Variants in MAPK4 observed in about 807,000 individuals in gnomAD.
MAPK4 encodes the protein mitogen-activated protein kinase 4.
MAPK4 carries 22 observed loss-of-function variants against 47.7 expected under a neutral mutation model. The ratio of observed to expected loss-of-function variants is 0.46; its 90% CI spans 0.33 to 0.66. MAPK4 has a LOEUF of 0.66. Among genes scored for constraint, MAPK4 ranks in the 30% least tolerant of loss-of-function variants. The probability of loss-of-function intolerance (pLI) is 0.02; values close to 1 mark genes in which losing one functional copy is unlikely to be tolerated. For missense variants in MAPK4, 736 were observed against 831.7 expected, an observed-to-expected ratio of 0.88 and a Z score of 1.42; for synonymous variants, 390 against 365.7, an observed-to-expected ratio of 1.07 and a Z score of -0.76.
intron 1 of MAPK4, among the ~76,000 whole-genome samples, chr18:50,610,822 C>T (rs909788881): frequency 2.0e-5 from 3 of 152,192 alleles, no homozygotes; most frequent in African/African-American, 7.2e-5. Context: ...ATCAAGTTCT[C>T]CTCTCCTTCT....
intron 3 of MAPK4, among the ~76,000 whole-genome samples, chr18:50,715,990 C>T (rs897270941): frequency 1.3e-5 from 2 of 152,198 alleles, no homozygotes. Context: ...ACAAAGACCT[C>T]CTTCTCTGCT....
chr18:50,582,687 G>A (rs1396857598), intron 1 of MAPK4, among the ~76,000 whole-genome samples: 1 of 152,252 alleles, frequency 6.6e-6, no homozygotes. Flanking sequence ...TGCTTGGCCT[G>A]GCAGACTGTG....
intron 1 of MAPK4, among the ~76,000 whole-genome samples, chr18:50,576,292 G>A (rs572432703): frequency 6.6e-6 from 1 of 152,308 alleles, no homozygotes; most frequent in Admixed American, 6.5e-5. Flanking sequence ...GTACACCATG[G>A]AACACTATGC....
chr18:50,730,012 C>A lies in MAPK4; in HGVS notation c.*158C>A. On this transcript the variant is annotated 3_prime_UTR_variant, in exon 6 of 6. Coordinates refer to ENST00000400384, the MANE Select transcript of MAPK4 (RefSeq NM_002747.4). ...GCGAGAGGAATGTCCATTTCTTAAACTGCCTTAATAACTAGCCTTTAACCT... is the reference window on the plus strand; with the variant it reads ...GCGAGAGGAATGTCCATTTCTTAAAATGCCTTAATAACTAGCCTTTAACCT... The A allele has an allele frequency of 1.3e-6, 1 of 753,198 alleles. No individual in the cohort carries two copies. Among genetic ancestry groups the A allele is most frequent in the Non-Finnish European group, 2.0e-6 (1 of 489,932 alleles). The allele number at this position is 753,198 out of a possible 1,614,324, so 46.7% of individuals were successfully genotyped here. A position where few individuals can be genotyped will look rare whatever the true frequency, so the allele number is the denominator to read the frequency against.
intron 3 of MAPK4, among the ~76,000 whole-genome samples, chr18:50,716,457 C>T (rs1454913707): frequency 6.6e-6 from 1 of 152,208 alleles, no homozygotes; most frequent in African/African-American, 2.4e-5. Flanking sequence ...GCCCTAAATG[C>T]TGCTGTCACT....
At chr18:50,687,515 A>C (rs1418449949) in intron 2 of MAPK4, among the ~76,000 whole-genome samples, 1 of 152,234 alleles carries the variant, frequency 6.6e-6, no homozygotes, top group Non-Finnish European at 1.5e-5. Context: ...TTTGTGGAAC[A>C]CTGTAAAGCT....
chr18:50,577,528 A>G (rs1280347051), intron 1 of MAPK4, among the ~76,000 whole-genome samples: 2 of 152,202 alleles, frequency 1.3e-5, no homozygotes, highest in East Asian at 3.8e-4. Context: ...AGGTGATTCA[A>G]ATATACAGCC....
At chr18:50,595,397 T>C (rs1304494361) in intron 1 of MAPK4, among the ~76,000 whole-genome samples, 1 of 152,076 alleles carries the variant, frequency 6.6e-6, no homozygotes, top group Non-Finnish European at 1.5e-5. Flanking sequence ...ATATGCAAAA[T>C]AATCTCCAAA....
chr18:50,594,213 A>C (rs1285149832), intron 1 of MAPK4, among the ~76,000 whole-genome samples: 3 of 152,168 alleles, frequency 2.0e-5, no homozygotes, highest in Non-Finnish European at 4.4e-5. Context: ...CTGGCAGCCA[A>C]TTGCATGGTG....
intron 2 of MAPK4, among the ~76,000 whole-genome samples, chr18:50,684,364 G>A (rs115113454): frequency 2.9e-3 from 447 of 152,090 alleles, no homozygotes; most frequent in African/African-American, 9.8e-3. Flanking sequence ...CAGAAACATC[G>A]CAAGACCCCT....
In MAPK4 at chr18:50,660,870, C is replaced by T. The variant is rs144881535; in HGVS notation, c.-870-2219C>T. On this transcript the variant is annotated intron_variant, in intron 1 of 5. Coordinates refer to ENST00000400384, the MANE Select transcript of MAPK4 (RefSeq NM_002747.4). ...GAATTGAGGCTTGCCACGTTGACAT[C>T]GTACCTGGCCCCTAAGCTGACAGCA... 6.7e-3 allele frequency among the ~76,000 whole-genome samples: 1,027 copies of T among 152,264 alleles called. 5 individuals are homozygous for T. The highest frequency in any genetic ancestry group is 0.011 in the South Asian group (52 of 4,812).
chr18:50,668,074 C>T (rs1426624342), intron 2 of MAPK4, among the ~76,000 whole-genome samples: 1 of 152,200 alleles, frequency 6.6e-6, no homozygotes, highest in Non-Finnish European at 1.5e-5. Flanking sequence ...CACCTATTTA[C>T]ATTTACTGTA....
intron 2 of MAPK4, among the ~76,000 whole-genome samples, chr18:50,701,838 A>C (rs1457736788): frequency 6.6e-6 from 1 of 152,270 alleles, no homozygotes; most frequent in Non-Finnish European, 1.5e-5. Flanking sequence ...CAGAAAACTT[A>C]TAAGGTAAAA....
At chr18:50,621,460 A>G (rs774846452) in intron 1 of MAPK4, among the ~76,000 whole-genome samples, 6 of 152,234 alleles carry the variant, frequency 3.9e-5, no homozygotes, top group Non-Finnish European at 7.3e-5. Context: ...CTAATGGCAG[A>G]GGCTGCTATT....
intron 1 of MAPK4, among the ~76,000 whole-genome samples, chr18:50,645,585 CCTGT>C (rs1396609437): frequency 2.6e-5 from 4 of 152,074 alleles, no homozygotes; most frequent in African/African-American, 7.2e-5. Context: ...TTATGGGATT[CCTGT>C]TCTGACCTCA....
chr18:50,584,907 C>T (rs767242389), intron 1 of MAPK4, among the ~76,000 whole-genome samples: 3 of 152,234 alleles, frequency 2.0e-5, no homozygotes, highest in East Asian at 1.9e-4. Flanking sequence ...GCGTTAACTC[C>T]GGACTCTCCT....
chr18:50,616,709 C>A (rs1336604184), intron 1 of MAPK4, among the ~76,000 whole-genome samples: 4 of 152,168 alleles, frequency 2.6e-5, no homozygotes, highest in African/African-American at 9.7e-5. Context: ...AGCTGAAGAA[C>A]CTGGAGTCTG....
At chr18:50,633,678 AG>A (rs2042853267) in intron 1 of MAPK4, among the ~76,000 whole-genome samples, 1 of 152,290 alleles carries the variant, frequency 6.6e-6, no homozygotes, top group South Asian at 2.1e-4. Context: ...GCACTGCCTA[AG>A]GGATAAAACC....
Position 50,664,274 on chromosome 18 carries a change from G to T in MAPK4, c.316G>T (p.Glu106Ter), listed in dbSNP as rs1907468540. 1.2e-6 allele frequency: 2 copies of T among 1,613,414 alleles called. No individual in the cohort carries two copies. The highest frequency in any genetic ancestry group is 1.7e-6 in the Non-Finnish European group (2 of 1,179,736). ...FKFSVAYIVQEYMETDLARLL... is the reference protein window; with the variant it reads ...FKFSVAYIVQ ...GTTCAGCGTGGCGTACATCGTCCAG[G>T]AGTACATGGAGACCGACCTGGCACG... The change falls in exon 2 of 6, where the codon GAG (glutamate) becomes TAG (stop). Residue 106 changes from glutamate to a stop codon, truncating the protein, a stop_gained. Coordinates refer to ENST00000400384, the MANE Select transcript of MAPK4 (RefSeq NM_002747.4). LOFTEE classifies it high-confidence loss of function. This position sits in a 1 kb window ranked among gnomAD's most constrained non-coding sequence, Gnocchi z 6.0.
Sources: allele counts gnomAD v4.1 joint callset (sites outside exome capture counted in the v4.1 genomes callset), GRCh38; gene constraint gnomAD v4.1.1; non-coding constraint Gnocchi (gnomAD v3.1); transcripts MANE v1.5; gene names NCBI Gene and HGNC (gene_info 2026-07-23, HGNC 2026-07-21).